The following PIK3CD variants were observed in gnomAD, a reference collection of about 807,000 sequenced individuals.
The protein encoded by PIK3CD is phosphatidylinositol 4,5-bisphosphate 3-kinase catalytic subunit delta isoform.
In PIK3CD, 20 loss-of-function variants were observed where a neutral mutation model predicts 122.9. The ratio of observed to expected loss-of-function variants is 0.16; its 90% CI spans 0.11 to 0.24. PIK3CD has a LOEUF of 0.24. Ranked by LOEUF, PIK3CD falls within the 10% of genes least tolerant of loss-of-function variation. PIK3CD has a pLI of 1.00. For synonymous variants in PIK3CD, 596 were observed against 593.4 expected, an observed-to-expected ratio of 1.00 and a Z score of -0.06; for missense variants, 787 against 1,406.3, an observed-to-expected ratio of 0.56 and a Z score of 7.04.
rs1170753195 is a variant in PIK3CD, at chr1:9,675,372, C to T, written c.-137-16095C>T. Among the ~76,000 whole-genome samples, 118 of 120,536 alleles carry T rather than the reference C, an allele frequency of 9.8e-4. 1 individual carries two copies. Among genetic ancestry groups the T allele is most frequent in the African/African-American group, 3.6e-3 (105 of 29,248 alleles). 79.1% of individuals were successfully genotyped at this position (120,536 alleles called of 152,430 possible). A position where few individuals can be genotyped will look rare whatever the true frequency, so the allele number is the denominator to read the frequency against. Reference sequence around the variant, plus strand: ...CTGCACTCCCACCTGGGCCACAGAGCGAGACTCCGTCTCAAAAAAAAAAAA... The same window carrying T: ...CTGCACTCCCACCTGGGCCACAGAGTGAGACTCCGTCTCAAAAAAAAAAAA... On this transcript the variant is annotated intron_variant, in intron 1 of 23. Transcript: ENST00000377346.
rs749939527 is a variant in PIK3CD at position 9,710,593 on chromosome 1, G to A, written c.138G>A (p.Lys46=). 6.2e-6 allele frequency: 10 copies of A among 1,613,630 alleles called. No individual in the cohort carries two copies. The African/African-American group carries it at 8.0e-5, about 13-fold the overall frequency. The change falls in exon 3 of 24, where the codon AAG becomes AAA. Residue 46 remains lysine, a synonymous_variant. Coordinates refer to ENST00000377346, the MANE Select transcript of PIK3CD (RefSeq NM_005026.5). The surrounding 1 kb of genome is among the most constrained non-coding windows in gnomAD (Gnocchi z 4.7). The part of the protein sequence containing the change: ...VSRNANLSTI[K]QLLWHRAQYE... ...GCAATGCCAACCTCAGCACCATCAA[G>A]CAGGTATGGCCTCCATCCGGTCCTC...
At chr1:9,629,550 C>T in the PIK3CD span, among the ~76,000 whole-genome samples, 4 of 150,156 alleles carry the variant, frequency 2.7e-5, no homozygotes, top group Non-Finnish European at 2.9e-5. Flanking sequence ...CGAGGAGCCA[C>T]GACCCTGCCG....
chr1:9,678,728 C>G (rs9430635), intron 1 of PIK3CD, among the ~76,000 whole-genome samples: 82,331 of 152,098 alleles, frequency 0.54, 22,812 homozygotes, highest in African/African-American at 0.67. Flanking sequence ...CTCTGTAAGA[C>G]ACACTTGCCA....
At chr1:9,661,042 C>G (rs1644994691) in intron 1 of PIK3CD, 1 of 151,956 alleles carries the variant, frequency 6.6e-6, no homozygotes, top group Non-Finnish European at 1.5e-5. Flanking sequence ...TCAAGCGATT[C>G]TCCTGCCTCA....
At position 9,717,411 on chromosome 1, in the gene PIK3CD, G is replaced by C; in HGVS notation, c.931-126G>C. The C allele has an allele frequency of 1.0e-6, 1 of 991,714 alleles. No homozygotes were observed. Among genetic ancestry groups the C allele is most frequent in the Non-Finnish European group, 1.6e-6 (1 of 631,758 alleles). The allele number at this position is 991,714 out of a possible 1,614,324, so 61.4% of individuals were successfully genotyped here. A position where few individuals can be genotyped will look rare whatever the true frequency, so the allele number is the denominator to read the frequency against. On this transcript the variant is annotated intron_variant, in intron 7 of 23. Coordinates refer to ENST00000377346, the MANE Select transcript of PIK3CD (RefSeq NM_005026.5). This position sits in a 1 kb window ranked among gnomAD's most constrained non-coding sequence, Gnocchi z 5.4. Reference sequence around the variant, plus strand: ...TGGGAAAGGATAGCATTGTGGACAGGCCCAAACCTGGCCGCAAACCTGTGA... The same window carrying C: ...TGGGAAAGGATAGCATTGTGGACAGCCCCAAACCTGGCCGCAAACCTGTGA...
intron 1 of PIK3CD, among the ~76,000 whole-genome samples, chr1:9,677,643 TAAAA>T (rs769155771): frequency 1.1e-5 from 1 of 90,438 alleles, no homozygotes. Context: ...AGACCCTGTC[TAAAA>T]AAAAAAAAAA....
chr1:9,638,914 TA>T, the PIK3CD span, among the ~76,000 whole-genome samples: 2 of 151,630 alleles, frequency 1.3e-5, no homozygotes, highest in Non-Finnish European at 2.9e-5. Flanking sequence ...GAGCTGGGAC[TA>T]CAGGTGCCCA....
the PIK3CD span, among the ~76,000 whole-genome samples, chr1:9,629,266 C>A: frequency 1.3e-5 from 2 of 152,162 alleles, no homozygotes; most frequent in Non-Finnish European, 2.9e-5. Context: ...CTGCGGTTGT[C>A]ACTGGGGTGC....
chr1:9,639,855 G>A, the PIK3CD span, among the ~76,000 whole-genome samples: 192 of 152,110 alleles, frequency 1.3e-3, no homozygotes, highest in Non-Finnish European at 2.0e-3. Context: ...TCAGCCTCCC[G>A]AGTAGCTGGG....
intron 14 of PIK3CD, 30 bp from the exon 15 acceptor site, chr1:9,721,414 T>C: frequency 6.2e-7 from 1 of 1,612,282 alleles, no homozygotes; most frequent in Non-Finnish European, 8.5e-7. Context: ...GTCGGGGAGC[T>C]CCAGGCCCCA....
intron 2 of PIK3CD, among the ~76,000 whole-genome samples, chr1:9,707,429 C>T (rs757548561): frequency 1.1e-4 from 16 of 147,528 alleles, no homozygotes; most frequent in Non-Finnish European, 2.2e-4. Flanking sequence ...AAACTTGTGT[C>T]GTGGGGGTTT....
Position 9,717,774 on chromosome 1 carries a change from C to T in PIK3CD, c.1020+148C>T, listed in dbSNP as rs561396141. On this transcript the variant is annotated intron_variant, in intron 8 of 23. Coordinates refer to ENST00000377346, the MANE Select transcript of PIK3CD (RefSeq NM_005026.5). The surrounding 1 kb of genome is among the most constrained non-coding windows in gnomAD (Gnocchi z 5.4). ...GCATCCCTGCCTGGGGCGCTGTGAG[C>T]GGCTTGAAAACAGGAAGTGGGGAGG... is the stretch of plus-strand genomic sequence containing the variant. The T allele has an allele frequency of 4.1e-4, 324 of 780,864 alleles. 2 individuals are homozygous for T. The African/African-American group carries it at 4.3e-3, about 10-fold the overall frequency. 48.4% of individuals were successfully genotyped at this position (780,864 alleles called of 1,614,324 possible).
the PIK3CD span, among the ~76,000 whole-genome samples, chr1:9,636,967 G>A: frequency 7.9e-5 from 12 of 151,238 alleles, no homozygotes; most frequent in South Asian, 2.1e-4. Flanking sequence ...GCCCGATCTC[G>A]GCTCACTGCA....
chr1:9,684,672 T>C (rs1158840592), intron 1 of PIK3CD, among the ~76,000 whole-genome samples: 2 of 151,208 alleles, frequency 1.3e-5, no homozygotes, highest in Admixed American at 6.6e-5. Context: ...CTGGACAACA[T>C]AGCAAGACCT....
Position 9,727,158 on chromosome 1 carries a change from G to T in PIK3CD, c.*112G>T. On this transcript the variant is annotated 3_prime_UTR_variant, in exon 24 of 24. Coordinates refer to ENST00000377346, the MANE Select transcript of PIK3CD (RefSeq NM_005026.5). ...GAACTGCACCTAACGGGAAAGAACC[G>T]ACATGGCTGCCTTTTGTTTACACTG... 2 of 1,212,084 alleles carry T rather than the reference G, an allele frequency of 1.7e-6. No homozygotes were observed. Among genetic ancestry groups the T allele is most frequent in the Non-Finnish European group, 2.4e-6 (2 of 831,340 alleles). 75.1% of individuals were successfully genotyped at this position (1,212,084 alleles called of 1,614,324 possible). A position where few individuals can be genotyped will look rare whatever the true frequency, so the allele number is the denominator to read the frequency against.
At chr1:9,654,128 C>A (rs1014726792) in intron 1 of PIK3CD, 1 of 1,217,778 alleles carries the variant, frequency 8.2e-7, no homozygotes. Flanking sequence ...AGCTAGCCTC[C>A]TTCTGAGCCC....
Position 9,716,976 on chromosome 1 carries a change from G to A in PIK3CD, c.798G>A (p.Leu266=). 6.2e-7 allele frequency: 1 copy of A among 1,613,872 alleles called. No homozygotes were observed. Among genetic ancestry groups the A allele is most frequent in the Non-Finnish European group, 8.5e-7 (1 of 1,180,010 alleles). ...CGTCTCAGTACATCTGCAGCTGCCT[G>A]CACAGTGGGTTGACCCCTCACCTGA... ...LCQFQYICSC[L]HSGLTPHLTM... Residue 266 remains leucine, a synonymous_variant, in exon 7 of 24, where the codon CTG becomes CTA. Transcript: ENST00000377346.
Position 9,721,264 on chromosome 1 carries a change from G to C in PIK3CD, c.1811+16G>C. 1 of 1,613,082 alleles carries C rather than the reference G, an allele frequency of 6.2e-7. No individual in the cohort carries two copies. Among genetic ancestry groups the C allele is most frequent in the Non-Finnish European group, 8.5e-7 (1 of 1,179,990 alleles). On this transcript the variant is annotated intron_variant, in intron 14 of 23. Transcript: ENST00000377346. ...GGAAACTGACGTGAGTCCCAGCTGGGCGCTCCCCACTTCTCCAGAGGGCAG... is the reference window on the plus strand; with the variant it reads ...GGAAACTGACGTGAGTCCCAGCTGGCCGCTCCCCACTTCTCCAGAGGGCAG...
In PIK3CD at chr1:9,656,770, C is replaced by T. The variant is rs1401722036; in HGVS notation, c.-138+4968C>T. On this transcript the variant is annotated intron_variant, in intron 1 of 23. Transcript: ENST00000377346. ...CCAGCCTGGCCAACATGGTGAAGCC[C>T]CGTCTCTACTAAAAATTCAAAAATT... Among the ~76,000 whole-genome samples, 8 of 152,124 alleles carry T rather than the reference C, an allele frequency of 5.3e-5. No homozygotes were observed. The South Asian group carries it at 1.7e-3, about 32-fold the overall frequency.
Sources: allele counts gnomAD v4.1 joint callset (sites outside exome capture counted in the v4.1 genomes callset), GRCh38; gene constraint gnomAD v4.1.1; non-coding constraint Gnocchi (gnomAD v3.1); transcripts MANE v1.5; gene names NCBI Gene and HGNC (gene_info 2026-07-23, HGNC 2026-07-21).